The following RPS6KA2 variants were observed in gnomAD, a reference collection of about 807,000 sequenced individuals.
The protein encoded by RPS6KA2 is ribosomal protein S6 kinase alpha-2.
RPS6KA2 carries 42 observed loss-of-function variants against 91.8 expected under a neutral mutation model. That is an observed-to-expected ratio of 0.46 (90% CI 0.36 to 0.59). RPS6KA2 has a LOEUF of 0.59. Among genes scored for constraint, RPS6KA2 ranks in the 20% least tolerant of loss-of-function variants. RPS6KA2 has a pLI of 0.00. For missense variants in RPS6KA2, 798 were observed against 978.5 expected (o/e 0.82, Z 2.46); for synonymous variants, 414 against 393.6 (o/e 1.05, Z -0.61).
chr6:166,692,252 AAAG>A (rs1789229028), intron 2 of RPS6KA2, among the ~76,000 whole-genome samples: 1 of 152,146 alleles, frequency 6.6e-6, no homozygotes, highest in Non-Finnish European at 1.5e-5. Flanking sequence ...AAAAGTAAGG[AAAG>A]AAGTAGTCAG....
chr6:166,569,791 G>A (rs1047911095), intron 1 of RPS6KA2, among the ~76,000 whole-genome samples: 1 of 152,154 alleles, frequency 6.6e-6, no homozygotes, highest in Non-Finnish European at 1.5e-5. Context: ...CACCCCCCTC[G>A]GGAATAGGAC....
At chr6:166,417,455 T>G (rs1004822390) in intron 19 of RPS6KA2, among the ~76,000 whole-genome samples, 1 of 152,208 alleles carries the variant, frequency 6.6e-6, no homozygotes, top group Non-Finnish European at 1.5e-5. Flanking sequence ...GGAAAAAGAC[T>G]GCTCCCCTGA....
chr6:166,471,188 G>A (rs1187992634), intron 10 of RPS6KA2, among the ~76,000 whole-genome samples: 2 of 152,228 alleles, frequency 1.3e-5, no homozygotes, highest in Non-Finnish European at 2.9e-5. Flanking sequence ...GGAAGAGCGG[G>A]GCTGCCCGGG....
At chr6:166,729,706 T>C (rs1790454221) in intron 2 of RPS6KA2, among the ~76,000 whole-genome samples, 1 of 152,260 alleles carries the variant, frequency 6.6e-6, no homozygotes, top group Non-Finnish European at 1.5e-5. Flanking sequence ...GATTCTGTTC[T>C]CTCGGCTTTT....
At chr6:166,752,833 G>C (rs1456718530) in intron 2 of RPS6KA2, among the ~76,000 whole-genome samples, 2 of 152,212 alleles carry the variant, frequency 1.3e-5, no homozygotes, top group Non-Finnish European at 2.9e-5. Flanking sequence ...TCTGCATCAA[G>C]TAGATGGATA....
intron 2 of RPS6KA2, among the ~76,000 whole-genome samples, chr6:166,691,918 C>G (rs1335772568): frequency 6.6e-6 from 1 of 152,196 alleles, no homozygotes; most frequent in Non-Finnish European, 1.5e-5. Flanking sequence ...TCAAGAAGCA[C>G]GTGAGGCCGG....
chr6:166,852,864 G>A lies in RPS6KA2; in HGVS notation c.123+5336C>T, dbSNP rs753618710. ...TCAAAGAGACTGTCATCTGGCAGCC[G>A]AAACCCTGTGATCCCCGTGTGGCTG... On this transcript the variant is annotated intron_variant, in intron 2 of 21. Coordinates refer to the RPS6KA2 transcript ENST00000503859. This position sits in a 1 kb window ranked among gnomAD's most constrained non-coding sequence, Gnocchi z 4.1. Among the ~76,000 whole-genome samples, 3 of 152,126 alleles carry A rather than the reference G, an allele frequency of 2.0e-5. No individual in the cohort carries two copies. Among genetic ancestry groups the A allele is most frequent in the Admixed American group, 6.5e-5 (1 of 15,286 alleles).
Position 166,550,443 on chromosome 6 carries a change from T to TAAA in RPS6KA2, c.100-11662_100-11660dup, listed in dbSNP as rs11307998. On this transcript the variant is annotated intron_variant, in intron 1 of 20. Coordinates refer to ENST00000265678, the MANE Select transcript of RPS6KA2 (RefSeq NM_021135.6). ...ATCAAAGAATAAACCTATTAATTGG[T>TAAA]AAAAAAAAAGAAGGACTCAATATTT... Among the ~76,000 whole-genome samples, 28 of 151,732 alleles carry TAAA rather than the reference T, an allele frequency of 1.8e-4. 1 individual carries two copies. Among genetic ancestry groups the TAAA allele is most frequent in the African/African-American group, 5.3e-4 (22 of 41,366 alleles).
intron 3 of RPS6KA2, among the ~76,000 whole-genome samples, chr6:166,529,612 A>G (rs33973677): frequency 0.19 from 28,311 of 152,184 alleles, 2,800 homozygotes; most frequent in South Asian, 0.25. Context: ...AAATTACGTT[A>G]CAATTGATAA....
rs775386301 is a variant in RPS6KA2, at chr6:166,435,540, C to G, written c.1333-3050G>C. The stretch of plus-strand genomic sequence containing the variant: ...AACCAAACACCACACACCAGCTGTT[C>G]GCTGAGGTGGCATTTGGGGAAATGG... On this transcript the variant is annotated intron_variant, in intron 14 of 20. Coordinates refer to ENST00000265678, the MANE Select transcript of RPS6KA2 (RefSeq NM_021135.6). The surrounding 1 kb of genome is among the most constrained non-coding windows in gnomAD (Gnocchi z 4.3). 6.6e-6 allele frequency among the ~76,000 whole-genome samples: 1 copy of G among 152,354 alleles called. No homozygotes were observed. Among genetic ancestry groups the G allele is most frequent in the East Asian group, 1.9e-4 (1 of 5,188 alleles).
At chr6:166,728,447 G>T (rs145459138) in intron 2 of RPS6KA2, among the ~76,000 whole-genome samples, 1 of 152,296 alleles carries the variant, frequency 6.6e-6, no homozygotes, top group East Asian at 1.9e-4. Context: ...AGTCACCCAT[G>T]GGTACATGAC....
chr6:166,699,432 A>G (rs1008196268), intron 2 of RPS6KA2, among the ~76,000 whole-genome samples: 4 of 152,272 alleles, frequency 2.6e-5, no homozygotes, highest in African/African-American at 9.6e-5. Flanking sequence ...AACACTTTAA[A>G]TCATTTTCAA....
rs4709113 is a variant in RPS6KA2, at chr6:166,445,432, G to A, written c.1332+3292C>T. 0.18 allele frequency among the ~76,000 whole-genome samples: 27,098 copies of A among 152,138 alleles called. 5,606 individuals are homozygous for A. The highest frequency in any genetic ancestry group is 0.5 in the African/African-American group (20,917 of 41,458). Reference sequence around the variant, plus strand: ...CTGAGGCTGGGCTTCTCAACCTTTCGTTGGGGCAGCAGGTTGTGGGGGCTG... The same window carrying A: ...CTGAGGCTGGGCTTCTCAACCTTTCATTGGGGCAGCAGGTTGTGGGGGCTG... On this transcript the variant is annotated intron_variant, in intron 14 of 20. Transcript: ENST00000265678. The surrounding 1 kb of genome is among the most constrained non-coding windows in gnomAD (Gnocchi z 4.5).
At position 166,651,470 on chromosome 6, in the gene RPS6KA2, C is replaced by G. The variant is rs935733216; in HGVS notation, c.124-112686G>C. Among the ~76,000 whole-genome samples, 25 of 152,264 alleles carry G rather than the reference C, an allele frequency of 1.6e-4. 1 individual carries two copies. Among genetic ancestry groups the G allele is most frequent in the East Asian group, 3.9e-4 (2 of 5,188 alleles). On this transcript the variant is annotated intron_variant, in intron 2 of 21. Coordinates refer to the RPS6KA2 transcript ENST00000503859. ...AACTTGGCAATGGGTTTGTAATACC[C>G]AGTGGGCTCTTTTGTTGCTTAGCTT... is the stretch of plus-strand genomic sequence containing the variant.
intron 2 of RPS6KA2, among the ~76,000 whole-genome samples, chr6:166,756,525 T>A (rs1778014578): frequency 6.6e-6 from 1 of 152,230 alleles, no homozygotes; most frequent in East Asian, 1.9e-4. Context: ...CATATGATTA[T>A]AAACACGTTT....
intron 2 of RPS6KA2, among the ~76,000 whole-genome samples, chr6:166,854,197 G>A (rs535578962): frequency 6.6e-6 from 1 of 152,264 alleles, no homozygotes; most frequent in East Asian, 1.9e-4. Context: ...CAGCAATGGT[G>A]AATAAAGGTG....
At chr6:166,601,562 T>C (rs1669318035) in intron 1 of RPS6KA2, among the ~76,000 whole-genome samples, 1 of 152,200 alleles carries the variant, frequency 6.6e-6, no homozygotes, top group African/African-American at 2.4e-5. Flanking sequence ...TTGACATAGG[T>C]TAGACACATG....
In RPS6KA2 at chr6:166,411,992, G is replaced by C. The variant is rs1483740045; in HGVS notation, c.*770C>G. On this transcript the variant is annotated 3_prime_UTR_variant, in exon 21 of 21. Transcript: ENST00000265678. This position sits in a 1 kb window ranked among gnomAD's most constrained non-coding sequence, Gnocchi z 4.5. ...CTGGGGACAGACGGCAGCCCAGTGCGCTTGGCCCCCCGGGGAAAGCCGAGA... is the reference window on the plus strand; with the variant it reads ...CTGGGGACAGACGGCAGCCCAGTGCCCTTGGCCCCCCGGGGAAAGCCGAGA... The C allele has an allele frequency of 6.6e-6, 1 of 152,298 alleles. No homozygotes were observed. Among genetic ancestry groups the C allele is most frequent in the Non-Finnish European group, 1.5e-5 (1 of 68,140 alleles). 9.4% of individuals were successfully genotyped at this position (152,298 alleles called of 1,614,324 possible).
chr6:166,512,088 T>TAC (rs1046246254), intron 3 of RPS6KA2, among the ~76,000 whole-genome samples: 2 of 151,942 alleles, frequency 1.3e-5, no homozygotes, highest in South Asian at 2.1e-4. Context: ...CTGTAGTAAA[T>TAC]ACACACACAC....
Sources: gnomAD v4.1 joint callset for allele counts (sites outside exome capture counted in the v4.1 genomes callset) on GRCh38, gnomAD v4.1.1 for gene constraint, Gnocchi (gnomAD v3.1) non-coding constraint, MANE v1.5 for transcripts, NCBI Gene and HGNC (gene_info 2026-07-23, HGNC 2026-07-21) for gene names.